Variants in SNTB1 observed in about 807,000 individuals in gnomAD.
SNTB1 encodes beta-1-syntrophin.
Under a neutral mutation model 48.9 loss-of-function variants are expected in SNTB1, and 36 were observed. The observed-to-expected ratio is 0.74, with a 90% CI of 0.56 to 0.97. The LOEUF (loss-of-function observed/expected upper bound fraction) is 0.97. SNTB1 is among the 50% of genes least tolerant of loss of function. The probability of loss-of-function intolerance (pLI) is 0.00; values close to 1 mark genes in which losing one functional copy is unlikely to be tolerated. For missense variants in SNTB1, 786 were observed against 703.4 expected, an observed-to-expected ratio of 1.12 and a Z score of -1.33; for synonymous variants, 299 against 294.6, an observed-to-expected ratio of 1.01 and a Z score of -0.15.
At chr8:120,750,449 T>C (rs569412916) in intron 1 of SNTB1, among the ~76,000 whole-genome samples, 23 of 152,154 alleles carry the variant, frequency 1.5e-4, no homozygotes, top group Non-Finnish European at 2.6e-4. Context: ...TCACCTTATG[T>C]TGATAACACA....
At chr8:120,668,041 C>T (rs1421375429) in intron 2 of SNTB1, among the ~76,000 whole-genome samples, 5 of 152,054 alleles carry the variant, frequency 3.3e-5, no homozygotes, top group African/African-American at 7.3e-5. Flanking sequence ...ATACACTGAT[C>T]GGTTCTCAGC....
At chr8:120,616,896 C>A (rs1315334459) in intron 3 of SNTB1, among the ~76,000 whole-genome samples, 3 of 152,208 alleles carry the variant, frequency 2.0e-5, no homozygotes, top group African/African-American at 7.2e-5. Flanking sequence ...GATGCCTGTG[C>A]TCCTCCTGAA....
At chr8:120,571,117 T>C in intron 4 of SNTB1, 1 of 849,842 alleles carries the variant, frequency 1.2e-6, no homozygotes, top group South Asian at 2.1e-5. Flanking sequence ...GAAAAAGCAG[T>C]CCCCATTGTT....
chr8:120,609,077 A>G lies in SNTB1; in HGVS notation c.996+23367T>C, dbSNP rs1050773020. Among the ~76,000 whole-genome samples, 6 of 152,358 alleles carry G rather than the reference A, an allele frequency of 3.9e-5. No individual in the cohort carries two copies. The East Asian group carries it at 7.7e-4, about 20-fold the overall frequency. On this transcript the variant is annotated intron_variant, in intron 3 of 6. Transcript: ENST00000517992. ...ATTAGTTCTGTTTAGATTTTAGGTC[A>G]CATATGTGTCTAAACAAGTAAAGGA...
intron 2 of SNTB1, among the ~76,000 whole-genome samples, chr8:120,688,762 G>A (rs1044979191): frequency 2.0e-5 from 3 of 152,146 alleles, no homozygotes; most frequent in Admixed American, 6.5e-5. Context: ...GGACAATTAC[G>A]GACTATTTAA....
At chr8:120,581,101 A>T (rs944592765) in intron 3 of SNTB1, among the ~76,000 whole-genome samples, 2 of 151,210 alleles carry the variant, frequency 1.3e-5, no homozygotes, top group African/African-American at 4.9e-5. Context: ...AAAAAAAAAA[A>T]AAAAAAGAGA....
At chr8:120,779,648 G>C (rs919895813) in intron 1 of SNTB1, among the ~76,000 whole-genome samples, 1 of 152,234 alleles carries the variant, frequency 6.6e-6, no homozygotes, top group African/African-American at 2.4e-5. Context: ...GGCATAAAAA[G>C]AGGAATAAAA....
chr8:120,793,453 G>A (rs577263420), intron 1 of SNTB1, among the ~76,000 whole-genome samples: 2 of 152,166 alleles, frequency 1.3e-5, no homozygotes, highest in South Asian at 4.1e-4. Context: ...TAATCATGCT[G>A]CTAAAAAGAT....
chr8:120,542,339 A>T (rs1487167243), intron 5 of SNTB1, among the ~76,000 whole-genome samples: 1 of 152,194 alleles, frequency 6.6e-6, no homozygotes, highest in Non-Finnish European at 1.5e-5. Context: ...CCTTGTCTCA[A>T]GCCAGAAAAA....
In SNTB1 at chr8:120,693,818, C is replaced by G; in HGVS notation, c.662G>C (p.Arg221Pro). Reference sequence around the variant, plus strand: ...GGGGTCTGAGGTGCTGCCCCCTAACCGAGGGGATTCAGGCGGAGGTGTTTC... The same window carrying G: ...GGGGTCTGAGGTGCTGCCCCCTAACGGAGGGGATTCAGGCGGAGGTGTTTC... ...GWETPPPESPRLGGSTSDPPS... is the reference protein window; with the variant it reads ...GWETPPPESPPLGGSTSDPPS... Residue 221 changes from arginine (R) to proline (P), a missense_variant, in exon 2 of 7, where the codon CGG (arginine) becomes CCG (proline). Arg to Pro is a moderately radical substitution (Grantham distance 103). Transcript: ENST00000517992. 1 of 1,613,996 alleles carries G rather than the reference C, an allele frequency of 6.2e-7. No homozygotes were observed. Among genetic ancestry groups the G allele is most frequent in the South Asian group, 1.1e-5 (1 of 91,058 alleles).
chr8:120,701,012 G>T (rs955737060), intron 1 of SNTB1, among the ~76,000 whole-genome samples: 9 of 152,210 alleles, frequency 5.9e-5, no homozygotes, highest in African/African-American at 2.2e-4. Context: ...GGAGAAAGGG[G>T]ATTAGCTGGA....
At chr8:120,607,693 AAG>A (rs1371530368) in intron 3 of SNTB1, among the ~76,000 whole-genome samples, 1 of 152,196 alleles carries the variant, frequency 6.6e-6, no homozygotes, top group Non-Finnish European at 1.5e-5. Context: ...AAAAAGAAAA[AAG>A]GGAGTGATGC....
chr8:120,578,331 T>C (rs1815984293), intron 3 of SNTB1, among the ~76,000 whole-genome samples: 1 of 152,148 alleles, frequency 6.6e-6, no homozygotes, highest in Non-Finnish European at 1.5e-5. Context: ...TTGTGCTACA[T>C]ACGCTTCATT....
At chr8:120,614,677 A>G (rs1016221156) in intron 3 of SNTB1, among the ~76,000 whole-genome samples, 4 of 152,196 alleles carry the variant, frequency 2.6e-5, no homozygotes, top group African/African-American at 9.7e-5. Flanking sequence ...AATAAAAGCC[A>G]TTATCGGACT....
intron 2 of SNTB1, among the ~76,000 whole-genome samples, chr8:120,671,315 A>C (rs1210398276): frequency 6.6e-6 from 1 of 152,238 alleles, no homozygotes; most frequent in Non-Finnish European, 1.5e-5. Context: ...TTTGGAAAAA[A>C]GATCTTTGCA....
intron 3 of SNTB1, 132 bp downstream of exon 3, chr8:120,632,312 G>A (rs1478864551): frequency 3.5e-6 from 3 of 864,436 alleles, no homozygotes; most frequent in Non-Finnish European, 5.4e-6. Flanking sequence ...GTAGCCTGCT[G>A]GAGAGGAATG....
intron 2 of SNTB1, among the ~76,000 whole-genome samples, chr8:120,657,839 C>A (rs370734597): frequency 1.3e-5 from 2 of 152,308 alleles, no homozygotes; most frequent in African/African-American, 4.8e-5. Context: ...GATATTGTTT[C>A]AATAATCACT....
intron 1 of SNTB1, among the ~76,000 whole-genome samples, chr8:120,787,613 C>A (rs973223080): frequency 7.9e-5 from 12 of 151,998 alleles, no homozygotes; most frequent in African/African-American, 2.9e-4. Context: ...TAACAATAGA[C>A]TAGATCAAGT....
intron 2 of SNTB1, among the ~76,000 whole-genome samples, chr8:120,633,903 C>T (rs1359074735): frequency 6.6e-6 from 1 of 152,136 alleles, no homozygotes; most frequent in Non-Finnish European, 1.5e-5. Flanking sequence ...AGGAAACTGA[C>T]ATAGGTACAA....
Sources: gnomAD v4.1 joint callset for allele counts (sites outside exome capture counted in the v4.1 genomes callset) on GRCh38, gnomAD v4.1.1 for gene constraint, MANE v1.5 for transcripts, NCBI Gene and HGNC (gene_info 2026-07-23, HGNC 2026-07-21) for gene names.